The following GUCY1A2 variants were observed in gnomAD, a reference collection of about 807,000 sequenced individuals.
GUCY1A2 encodes guanylate cyclase soluble subunit alpha-2.
In GUCY1A2, 27 loss-of-function variants were observed where a neutral mutation model predicts 63.5. That is an observed-to-expected ratio of 0.43 (90% CI 0.31 to 0.59). The LOEUF is 0.59. GUCY1A2 is among the 20% of genes least tolerant of loss of function. GUCY1A2 has a pLI of 0.11. For missense variants in GUCY1A2, 768 were observed against 913.3 expected (o/e 0.84, Z 2.05); for synonymous variants, 364 against 343.5 (o/e 1.06, Z -0.66).
intron 3 of GUCY1A2, among the ~76,000 whole-genome samples, chr11:106,960,808 G>A (rs1356940471): frequency 6.6e-6 from 1 of 152,008 alleles, no homozygotes; most frequent in Non-Finnish European, 1.5e-5. Context: ...AAAAAGAAGA[G>A]TTAAGGAAGA....
intron 4 of GUCY1A2, among the ~76,000 whole-genome samples, chr11:106,838,996 C>G (rs1234683046): frequency 6.6e-6 from 1 of 152,064 alleles, no homozygotes; most frequent in Non-Finnish European, 1.5e-5. Context: ...TCCCATTTGT[C>G]AATTTTGGCT....
At chr11:106,747,145 G>C (rs1241225859) in intron 6 of GUCY1A2, among the ~76,000 whole-genome samples, 1 of 151,996 alleles carries the variant, frequency 6.6e-6, no homozygotes, top group African/African-American at 2.4e-5. Context: ...CTGCCACCAT[G>C]CTCAGCTATT....
At chr11:106,875,841 T>A (rs972367847) in intron 4 of GUCY1A2, among the ~76,000 whole-genome samples, 6 of 152,114 alleles carry the variant, frequency 3.9e-5, no homozygotes, top group African/African-American at 1.2e-4. Flanking sequence ...ATGCTTTTTT[T>A]ATCTATTATG....
intron 4 of GUCY1A2, among the ~76,000 whole-genome samples, chr11:106,836,399 A>C (rs1157161338): frequency 6.6e-6 from 1 of 152,048 alleles, no homozygotes; most frequent in African/African-American, 2.4e-5. Flanking sequence ...TACCATATTT[A>C]TCAATACCAT....
intron 7 of GUCY1A2, among the ~76,000 whole-genome samples, chr11:106,698,011 G>C (rs1862749043): frequency 6.6e-6 from 1 of 151,206 alleles, no homozygotes; most frequent in Non-Finnish European, 1.5e-5. Flanking sequence ...GCTTTTCTTT[G>C]ATCATGTTGT....
intron 6 of GUCY1A2, among the ~76,000 whole-genome samples, chr11:106,750,574 T>C (rs1359125366): frequency 6.6e-6 from 1 of 152,048 alleles, no homozygotes; most frequent in East Asian, 1.9e-4. Flanking sequence ...TAGAAAACAG[T>C]ACCAATTCAA....
intron 7 of GUCY1A2, among the ~76,000 whole-genome samples, chr11:106,701,453 G>A (rs1042100799): frequency 2.4e-4 from 36 of 152,056 alleles, no homozygotes; most frequent in African/African-American, 8.2e-4. Flanking sequence ...AAGAGAAAAC[G>A]AATCTCCCTT....
intron 4 of GUCY1A2, among the ~76,000 whole-genome samples, chr11:106,856,370 T>G (rs1327866533): frequency 6.6e-6 from 1 of 152,170 alleles, no homozygotes; most frequent in East Asian, 1.9e-4. Flanking sequence ...TGTTTCACTG[T>G]CATTTTACAT....
At chr11:107,013,180 C>A (rs969622128) in intron 1 of GUCY1A2, among the ~76,000 whole-genome samples, 3 of 152,136 alleles carry the variant, frequency 2.0e-5, no homozygotes, top group Non-Finnish European at 4.4e-5. Context: ...TCCTTATTTG[C>A]CACTCCTCCA....
intron 6 of GUCY1A2, among the ~76,000 whole-genome samples, chr11:106,746,974 A>C (rs1451379033): frequency 6.6e-6 from 1 of 152,104 alleles, no homozygotes; most frequent in East Asian, 1.9e-4. Flanking sequence ...TTAAGAATCA[A>C]AAGATGTGGG....
intron 6 of GUCY1A2, among the ~76,000 whole-genome samples, chr11:106,755,794 A>C (rs1863962618): frequency 6.6e-6 from 1 of 152,034 alleles, no homozygotes; most frequent in African/African-American, 2.4e-5. Context: ...GAATCAGTGC[A>C]ATGTGGTGCT....
intron 4 of GUCY1A2, among the ~76,000 whole-genome samples, chr11:106,888,192 CT>C (rs1174459431): frequency 1.3e-5 from 2 of 152,070 alleles, no homozygotes; most frequent in African/African-American, 2.4e-5. Flanking sequence ...GGCACGGTGG[CT>C]CACGCCTGTA....
chr11:106,840,348 T>G (rs1859179382), intron 4 of GUCY1A2, among the ~76,000 whole-genome samples: 1 of 151,996 alleles, frequency 6.6e-6, no homozygotes, highest in Non-Finnish European at 1.5e-5. Context: ...AGTGATCTTA[T>G]GATGGGTTTT....
At chr11:106,708,252 A>G (rs1862952061) in intron 7 of GUCY1A2, among the ~76,000 whole-genome samples, 1 of 152,106 alleles carries the variant, frequency 6.6e-6, no homozygotes, top group South Asian at 2.1e-4. Flanking sequence ...TTAAACAGGT[A>G]TACTTAAGAA....
intron 4 of GUCY1A2, among the ~76,000 whole-genome samples, chr11:106,860,706 G>A (rs1021657899): frequency 1.3e-5 from 2 of 151,992 alleles, no homozygotes; most frequent in African/African-American, 4.8e-5. Flanking sequence ...ACTTGGCTGA[G>A]TTCACAAAAC....
At chr11:106,837,720 T>A (rs1471448796) in intron 4 of GUCY1A2, among the ~76,000 whole-genome samples, 1 of 151,940 alleles carries the variant, frequency 6.6e-6, no homozygotes, top group Non-Finnish European at 1.5e-5. Context: ...CCCACACAGT[T>A]CAAATCTGTG....
intron 4 of GUCY1A2, among the ~76,000 whole-genome samples, chr11:106,819,457 C>A (rs1188460402): frequency 6.6e-6 from 1 of 152,092 alleles, no homozygotes; most frequent in African/African-American, 2.4e-5. Context: ...ATTGTTAGAG[C>A]CACCCAACCT....
chr11:106,832,470 G>A (rs188964842), intron 4 of GUCY1A2, among the ~76,000 whole-genome samples: 1 of 152,196 alleles, frequency 6.6e-6, no homozygotes, highest in Admixed American at 6.6e-5. Flanking sequence ...GTGTAAGATG[G>A]AGGCTGAAAG....
At chr11:106,762,092 T>C (rs1340771805) in intron 6 of GUCY1A2, among the ~76,000 whole-genome samples, 1 of 152,072 alleles carries the variant, frequency 6.6e-6, no homozygotes, top group Non-Finnish European at 1.5e-5. Flanking sequence ...GGGTAAAATA[T>C]GAGCATGGGA....
Sources: allele counts gnomAD v4.1 joint callset (sites outside exome capture counted in the v4.1 genomes callset), GRCh38; gene constraint gnomAD v4.1.1; transcripts MANE v1.5; gene names NCBI Gene and HGNC (gene_info 2026-07-23, HGNC 2026-07-21).